The following NWD2 variants were observed in gnomAD, a reference collection of about 807,000 sequenced individuals.
The protein encoded by NWD2 is NACHT and WD repeat domain containing 2, also known as NACHT and WD repeat domain-containing protein 2.
A neutral mutation model predicts 132.7 loss-of-function variants in NWD2; 37 were observed. The observed-to-expected ratio is 0.28, with a 90% CI of 0.21 to 0.37. The LOEUF is 0.37. Ranked by LOEUF, NWD2 falls within the 10% of genes least tolerant of loss-of-function variation. NWD2 has a pLI of 1.00. For missense variants in NWD2, 1,592 were observed against 2,122.4 expected (o/e 0.75, Z 4.91); for synonymous variants, 705 against 803.0 (o/e 0.88, Z 2.06).
chr4:37,415,424 G>A (rs1384299618), intron 3 of NWD2, among the ~76,000 whole-genome samples: 2 of 152,152 alleles, frequency 1.3e-5, no homozygotes, highest in African/African-American at 2.4e-5. Flanking sequence ...GGCAAAAGAG[G>A]CCAGGCACGG....
chr4:37,313,700 G>GTTGT (rs911793862), intron 1 of NWD2, among the ~76,000 whole-genome samples: 5 of 150,764 alleles, frequency 3.3e-5, no homozygotes, highest in Admixed American at 6.6e-5. Flanking sequence ...TTGTTTGTTT[G>GTTGT]TTGTTTGTTT....
At chr4:37,254,909 C>T (rs183436368) in intron 1 of NWD2, among the ~76,000 whole-genome samples, 1 of 152,270 alleles carries the variant, frequency 6.6e-6, no homozygotes, top group East Asian at 1.9e-4. Flanking sequence ...TAGAGTATTA[C>T]GGAATTTCAC....
At chr4:37,403,764 G>A (rs6531534) in intron 3 of NWD2, among the ~76,000 whole-genome samples, 29,606 of 152,090 alleles carry the variant, frequency 0.19, 2,978 homozygotes, top group East Asian at 0.3. Flanking sequence ...AGGCAGACTT[G>A]GCTATTTTTA....
rs1712673083 is a variant in NWD2 at position 37,447,575 on chromosome 4, C to T, written c.*358C>T. The T allele has an allele frequency of 4.6e-6, 1 of 215,088 alleles. No homozygotes were observed. Among genetic ancestry groups the T allele is most frequent in the South Asian group, 1.0e-4 (1 of 9,888 alleles). 13.3% of individuals were successfully genotyped at this position (215,088 alleles called of 1,614,324 possible). A position where few individuals can be genotyped will look rare whatever the true frequency, so the allele number is the denominator to read the frequency against. ...ATCATTTGGATGGGAATTAGTTCTA[C>T]AAAAATCAGCTGAAATCATGAAGAC... is the stretch of plus-strand genomic sequence containing the variant. On this transcript the variant is annotated 3_prime_UTR_variant, in exon 7 of 7. Transcript: ENST00000309447.
intron 3 of NWD2, among the ~76,000 whole-genome samples, chr4:37,373,894 A>G (rs558734546): frequency 6.6e-6 from 1 of 152,260 alleles, no homozygotes; most frequent in Non-Finnish European, 1.5e-5. Flanking sequence ...ATGGTTTGCC[A>G]TCAGAAACAA....
At chr4:37,258,122 G>A (rs1717556656) in intron 1 of NWD2, among the ~76,000 whole-genome samples, 1 of 152,172 alleles carries the variant, frequency 6.6e-6, no homozygotes. Context: ...GCATAGTTTT[G>A]CTCATAGTTC....
At chr4:37,369,977 G>T (rs1363994865) in intron 3 of NWD2, among the ~76,000 whole-genome samples, 9 of 152,154 alleles carry the variant, frequency 5.9e-5, no homozygotes, top group Admixed American at 1.3e-4. Context: ...GCACCAAGAG[G>T]TTCCTCACTC....
At chr4:37,405,229 CA>C (rs1351344627) in intron 3 of NWD2, among the ~76,000 whole-genome samples, 3 of 152,082 alleles carry the variant, frequency 2.0e-5, no homozygotes, top group Non-Finnish European at 4.4e-5. Context: ...TGTCTGAGAT[CA>C]GGGGCACTTG....
rs1462340840 is a variant in NWD2 at position 37,446,179 on chromosome 4, G to A, written c.4191G>A (p.Gly1397=). The change falls in exon 7 of 7, where the codon GGG becomes GGA. Residue 1397 remains glycine, a synonymous_variant. Coordinates refer to ENST00000309447, the MANE Select transcript of NWD2 (RefSeq NM_001144990.2). This position sits in a 1 kb window ranked among gnomAD's most constrained non-coding sequence, Gnocchi z 6.7. The stretch of plus-strand genomic sequence containing the variant: ...GTGAAAACCTTTTTCGAATTAACGG[G>A]CAGAGAATATCTCAGCTGCTGATTA... ...SSGENLFRIN[G]QRISQLLITH... The A allele has an allele frequency of 1.3e-6, 2 of 1,551,658 alleles. No homozygotes were observed. The highest frequency in any genetic ancestry group is 1.7e-6 in the Non-Finnish European group (2 of 1,146,996).
At chr4:37,326,144 C>A in intron 2 of NWD2, 120 bp downstream of exon 2, 1 of 599,406 alleles carries the variant, frequency 1.7e-6, no homozygotes, top group African/African-American at 1.9e-5. Context: ...TTTATTTCTT[C>A]AAGCATGGGT....
At chr4:37,389,139 G>A (rs1720632784) in intron 3 of NWD2, among the ~76,000 whole-genome samples, 2 of 152,138 alleles carry the variant, frequency 1.3e-5, no homozygotes, top group South Asian at 4.1e-4. Context: ...AGTTAGCAAT[G>A]CAAAAGCCCT....
At chr4:37,249,894 C>T (rs1049201719) in intron 1 of NWD2, among the ~76,000 whole-genome samples, 4 of 152,140 alleles carry the variant, frequency 2.6e-5, no homozygotes, top group Admixed American at 2.6e-4. Context: ...TTCTCCGTTA[C>T]AGTGGAAGTA....
At chr4:37,345,128 A>G (rs1254222014) in intron 2 of NWD2, among the ~76,000 whole-genome samples, 1 of 152,180 alleles carries the variant, frequency 6.6e-6, no homozygotes, top group Non-Finnish European at 1.5e-5. Flanking sequence ...CACTTGATGG[A>G]CATTTGCAAT....
At chr4:37,260,700 T>C (rs1717612206) in intron 1 of NWD2, among the ~76,000 whole-genome samples, 1 of 152,178 alleles carries the variant, frequency 6.6e-6, no homozygotes, top group African/African-American at 2.4e-5. Context: ...AACTGGAAGG[T>C]ATGAGTAGGG....
At chr4:37,260,211 G>C (rs1717601100) in intron 1 of NWD2, among the ~76,000 whole-genome samples, 1 of 152,122 alleles carries the variant, frequency 6.6e-6, no homozygotes, top group South Asian at 2.1e-4. Context: ...AACATGAGGG[G>C]AAGAGGGCAT....
intron 3 of NWD2, among the ~76,000 whole-genome samples, chr4:37,419,868 A>T: frequency 6.6e-6 from 1 of 152,214 alleles, no homozygotes; most frequent in East Asian, 1.9e-4. Flanking sequence ...AAAATTGTTG[A>T]ACTTCTTTGC....
Position 37,447,321 on chromosome 4 carries a change from G to A in NWD2, c.*104G>A. The A allele has an allele frequency of 1.2e-6, 1 of 866,314 alleles. No individual in the cohort carries two copies. Among genetic ancestry groups the A allele is most frequent in the East Asian group, 2.7e-5 (1 of 37,532 alleles). 53.7% of individuals were successfully genotyped at this position (866,314 alleles called of 1,614,324 possible). On this transcript the variant is annotated 3_prime_UTR_variant, in exon 7 of 7. Coordinates refer to ENST00000309447, the MANE Select transcript of NWD2 (RefSeq NM_001144990.2). ...TCATTTATTAAAAGGCAGGAGCGAT[G>A]CTGGAATTCCAGTGTTTTATTAAGA... is the stretch of plus-strand genomic sequence containing the variant.
At chr4:37,316,702 A>G (rs1259033783) in intron 1 of NWD2, among the ~76,000 whole-genome samples, 1 of 152,198 alleles carries the variant, frequency 6.6e-6, no homozygotes, top group African/African-American at 2.4e-5. Flanking sequence ...TCTTGATTAT[A>G]ATAGCTGATT....
At chr4:37,370,067 A>G (rs956099646) in intron 3 of NWD2, among the ~76,000 whole-genome samples, 3 of 152,192 alleles carry the variant, frequency 2.0e-5, no homozygotes, top group East Asian at 1.9e-4. Context: ...ACTCCTTTCC[A>G]GTTTTGCCAC....
Sources: allele counts gnomAD v4.1 joint callset (sites outside exome capture counted in the v4.1 genomes callset), GRCh38; gene constraint gnomAD v4.1.1; non-coding constraint Gnocchi (gnomAD v3.1); transcripts MANE v1.5; gene names NCBI Gene and HGNC (gene_info 2026-07-23, HGNC 2026-07-21).